RPH3A: variants seen among roughly 807,000 people sequenced by gnomAD.
RPH3A encodes the protein rabphilin-3A.
Under a neutral mutation model 102.2 loss-of-function variants are expected in RPH3A, and 48 were observed. The observed-to-expected ratio is 0.47, with a 90% CI of 0.37 to 0.60. The LOEUF (loss-of-function observed/expected upper bound fraction) is 0.60. Among genes scored for constraint, RPH3A ranks in the 20% least tolerant of loss-of-function variants. The pLI, the probability that RPH3A is intolerant of heterozygous loss-of-function variation, is 0.00. For missense variants in RPH3A, 781 were observed against 910.1 expected (o/e 0.86, Z 1.83); for synonymous variants, 310 against 324.3 (o/e 0.96, Z 0.47).
rs571365713 is a variant in RPH3A at position 112,700,455 on chromosome 12, CT to C, written c.-139-91687del. On this transcript the variant is annotated intron_variant, in intron 1 of 21. Coordinates refer to the RPH3A transcript ENST00000543106. ...ATCTTCACTCCTAAGTCGGAAACTC[CT>C]CCTATTCTCATGTAAGCTTCTCAGA... is the stretch of plus-strand genomic sequence containing the variant. Among the ~76,000 whole-genome samples the C allele has an allele frequency of 2.8e-3, 430 of 152,304 alleles. 2 individuals carry two copies. The highest frequency in any genetic ancestry group is 9.8e-3 in the African/African-American group (406 of 41,566).
At chr12:112,605,987 T>C (rs749427444) in intron 1 of RPH3A, among the ~76,000 whole-genome samples, 2 of 152,208 alleles carry the variant, frequency 1.3e-5, no homozygotes, top group African/African-American at 2.4e-5. Flanking sequence ...ATCACTCGAT[T>C]CTCACAAAAA....
At chr12:112,774,639 A>T (rs984972197) in intron 1 of RPH3A, among the ~76,000 whole-genome samples, 2 of 152,228 alleles carry the variant, frequency 1.3e-5, no homozygotes, top group Admixed American at 6.5e-5. Context: ...ACATGGATGA[A>T]GCTGGAAGCC....
intron 1 of RPH3A, among the ~76,000 whole-genome samples, chr12:112,660,622 C>T (rs1036330595): frequency 2.0e-5 from 3 of 152,134 alleles, no homozygotes; most frequent in African/African-American, 2.4e-5. Context: ...CAGTTTGAGG[C>T]TATACTGAGC....
intron 1 of RPH3A, among the ~76,000 whole-genome samples, chr12:112,711,519 T>C (rs904251061): frequency 2.6e-5 from 4 of 152,228 alleles, no homozygotes; most frequent in African/African-American, 7.2e-5. Flanking sequence ...GTGTGTTGCA[T>C]TACTTGGCAT....
intron 5 of RPH3A, among the ~76,000 whole-genome samples, chr12:112,859,544 A>G (rs939543030): frequency 6.6e-6 from 1 of 152,160 alleles, no homozygotes; most frequent in African/African-American, 2.4e-5. Context: ...ATGTATATAT[A>G]CATATTTGAG....
Position 112,897,620 on chromosome 12 carries a change from A to G in RPH3A, c.*840A>G, listed in dbSNP as rs12177. The G allele has an allele frequency of 0.45, 68,519 of 151,942 alleles. 16,627 individuals are homozygous for G. Among genetic ancestry groups the G allele is most frequent in the South Asian group, 0.64 (3,101 of 4,810 alleles). The allele number at this position is 151,942 out of a possible 1,614,324, so 9.4% of individuals were successfully genotyped here. ...TCTAAAGCAGTAACACCGCAAAAAC[A>G]ACAGCAAAAAAAGTGTATGTTAACC... On this transcript the variant is annotated 3_prime_UTR_variant, in exon 22 of 22. Transcript: ENST00000389385.
chr12:112,765,739 G>T (rs1480313473), intron 1 of RPH3A, among the ~76,000 whole-genome samples: 1 of 152,140 alleles, frequency 6.6e-6, no homozygotes, highest in Non-Finnish European at 1.5e-5. Flanking sequence ...TTCACACTGA[G>T]GCTGGACCAT....
chr12:112,678,234 AAAGAAAGAAAGAAAGAAAG>A (rs2040195598), intron 1 of RPH3A, among the ~76,000 whole-genome samples: 1 of 7,260 alleles, frequency 1.4e-4, no homozygotes, highest in African/African-American at 6.4e-4. Context: ...GACCCTGTCG[AAAGAAAGAAAGAAAGAAAG>A]AAAGAAAGAA....
chr12:112,701,059 C>T (rs2040390164), intron 1 of RPH3A, among the ~76,000 whole-genome samples: 1 of 152,208 alleles, frequency 6.6e-6, no homozygotes, highest in Non-Finnish European at 1.5e-5. Flanking sequence ...ACTCCTCCTT[C>T]TCCCTCCATC....
intron 1 of RPH3A, among the ~76,000 whole-genome samples, chr12:112,618,289 G>A (rs1166567281): frequency 1.3e-5 from 2 of 150,232 alleles, no homozygotes; most frequent in Non-Finnish European, 2.9e-5. Flanking sequence ...AGTCTCACCT[G>A]CTTCTCCTCC....
chr12:112,684,302 A>T (rs1024223042), intron 1 of RPH3A, among the ~76,000 whole-genome samples: 1 of 152,166 alleles, frequency 6.6e-6, no homozygotes, highest in Non-Finnish European at 1.5e-5. Flanking sequence ...TCTGTCACCC[A>T]CACTGGAGTG....
chr12:112,752,656 C>T (rs964955631), intron 1 of RPH3A, among the ~76,000 whole-genome samples: 18 of 145,776 alleles, frequency 1.2e-4, no homozygotes, highest in Non-Finnish European at 2.5e-4. Context: ...AAAAAATTTG[C>T]TTCTTCAAAT....
Position 112,730,757 on chromosome 12 carries a change from C to G in RPH3A, c.-139-61386C>G, listed in dbSNP as rs183740382. ...GCCGAGACGGTCAGTTAACCAACGT[C>G]ATTGGAAGCAGGCTCTGGCCATTTC... On this transcript the variant is annotated intron_variant, in intron 1 of 21. Transcript: ENST00000543106. 6.4e-4 allele frequency among the ~76,000 whole-genome samples: 98 copies of G among 152,272 alleles called. 1 individual carries two copies. The highest frequency in any genetic ancestry group is 6.4e-3 in the Admixed American group (98 of 15,292).
intron 1 of RPH3A, among the ~76,000 whole-genome samples, chr12:112,731,420 C>G (rs1050702542): frequency 1.3e-5 from 2 of 152,172 alleles, no homozygotes; most frequent in Admixed American, 6.5e-5. Flanking sequence ...AATATATGAC[C>G]TATTATGCAG....
chr12:112,619,706 A>G (rs1193881664), intron 1 of RPH3A, among the ~76,000 whole-genome samples: 1 of 152,044 alleles, frequency 6.6e-6, no homozygotes, highest in East Asian at 1.9e-4. Flanking sequence ...AACCTTTGTT[A>G]TTGTCTTTTT....
intron 1 of RPH3A, among the ~76,000 whole-genome samples, chr12:112,738,665 C>T (rs140497157): frequency 6.1e-4 from 93 of 152,252 alleles, no homozygotes; most frequent in African/African-American, 2.0e-3. Context: ...TGCACTACCT[C>T]CAGCTCAATC....
chr12:112,613,557 C>G (rs1278616538), intron 1 of RPH3A, among the ~76,000 whole-genome samples: 2 of 152,074 alleles, frequency 1.3e-5, no homozygotes, highest in Admixed American at 1.3e-4. Context: ...CCTGGATTAT[C>G]CAGGTGAGCC....
intron 2 of RPH3A, among the ~76,000 whole-genome samples, chr12:112,802,080 C>T (rs540388277): frequency 3.3e-5 from 5 of 152,086 alleles, no homozygotes; most frequent in Admixed American, 2.6e-4. Context: ...TTTTTCTCTG[C>T]GCTGGCCAGC....
intron 1 of RPH3A, among the ~76,000 whole-genome samples, chr12:112,742,705 G>C (rs2040718330): frequency 6.6e-6 from 1 of 152,226 alleles, no homozygotes; most frequent in African/African-American, 2.4e-5. Flanking sequence ...TGACATCCCA[G>C]CATGGTGAGG....
Sources: allele counts gnomAD v4.1 joint callset (sites outside exome capture counted in the v4.1 genomes callset), GRCh38; gene constraint gnomAD v4.1.1; transcripts MANE v1.5; gene names NCBI Gene and HGNC (gene_info 2026-07-23, HGNC 2026-07-21).